The following CNTN3 variants were observed in gnomAD, a reference collection of about 807,000 sequenced individuals.
CNTN3 encodes contactin-3.
A neutral mutation model predicts 119.1 loss-of-function variants in CNTN3; 60 were observed. The ratio of observed to expected loss-of-function variants is 0.50; its 90% confidence interval spans 0.41 to 0.62. The LOEUF (loss-of-function observed/expected upper bound fraction) is 0.62, where lower values mean the gene tolerates loss of function less well. Among genes scored for constraint, CNTN3 ranks in the 20% least tolerant of loss-of-function variants. The pLI is 0.00. For synonymous variants in CNTN3, 450 were observed against 438.7 expected, an observed-to-expected ratio of 1.03 and a Z score of -0.32; for missense variants, 1,101 against 1,242.4, an observed-to-expected ratio of 0.89 and a Z score of 1.71.
chr3:74,587,990 A>C (rs1258145524), intron 1 of CNTN3, among the ~76,000 whole-genome samples: 1 of 152,088 alleles, frequency 6.6e-6, no homozygotes, highest in African/African-American at 2.4e-5. Context: ...ATTTATTGAG[A>C]GTTTTTAGCA....
At chr3:74,311,213 C>T (rs1559696227) in intron 13 of CNTN3, among the ~76,000 whole-genome samples, 1 of 152,278 alleles carries the variant, frequency 6.6e-6, no homozygotes, top group East Asian at 1.9e-4. Flanking sequence ...AAAGAGATCA[C>T]ACTATTTTTA....
At chr3:74,568,393 C>T (rs1361339100) in intron 1 of CNTN3, among the ~76,000 whole-genome samples, 2 of 152,194 alleles carry the variant, frequency 1.3e-5, no homozygotes, top group East Asian at 3.9e-4. Flanking sequence ...TATTGCCCTG[C>T]TCCATAGGAT....
At chr3:74,481,630 C>T (rs1293119062) in intron 4 of CNTN3, among the ~76,000 whole-genome samples, 1 of 151,600 alleles carries the variant, frequency 6.6e-6, no homozygotes, top group Non-Finnish European at 1.5e-5. Flanking sequence ...TAAAACCATA[C>T]AAATTTATAT....
At chr3:74,342,397 T>C (rs1274606937) in intron 11 of CNTN3, among the ~76,000 whole-genome samples, 3 of 152,184 alleles carry the variant, frequency 2.0e-5, no homozygotes, top group Non-Finnish European at 4.4e-5. Flanking sequence ...GTTAGTATAG[T>C]GATTTATTGG....
chr3:74,566,202 G>T (rs1704223646), intron 1 of CNTN3, among the ~76,000 whole-genome samples: 1 of 152,122 alleles, frequency 6.6e-6, no homozygotes, highest in African/African-American at 2.4e-5. Context: ...GAGTTTAATA[G>T]AGGGACTATT....
intron 1 of CNTN3, among the ~76,000 whole-genome samples, chr3:74,524,337 TC>T (rs1703585093): frequency 6.6e-6 from 1 of 151,818 alleles, no homozygotes; most frequent in South Asian, 2.1e-4. Context: ...AGACTGATAA[TC>T]CCCGTACTCA....
At chr3:74,310,099 T>A (rs1458967395) in intron 13 of CNTN3, among the ~76,000 whole-genome samples, 2 of 152,200 alleles carry the variant, frequency 1.3e-5, no homozygotes, top group East Asian at 3.8e-4. Context: ...TTACTTTGAG[T>A]AAAGTTTAAC....
intron 4 of CNTN3, among the ~76,000 whole-genome samples, chr3:74,450,503 T>G (rs57409446): frequency 0.036 from 640 of 17,670 alleles, 3 homozygotes; most frequent in African/African-American, 0.078. Flanking sequence ...TGAAGCCCTG[T>G]TTTTTTTTTT....
intron 1 of CNTN3, among the ~76,000 whole-genome samples, chr3:74,601,283 C>A (rs953759959): frequency 2.0e-5 from 3 of 151,754 alleles, no homozygotes. Flanking sequence ...GTTAATTTGC[C>A]CAAGGTAAGA....
chr3:74,533,596 C>A (rs1234450595), intron 1 of CNTN3, among the ~76,000 whole-genome samples: 2 of 151,962 alleles, frequency 1.3e-5, no homozygotes, highest in African/African-American at 4.8e-5. Context: ...AAAACATTAA[C>A]CAACATTCCC....
chr3:74,344,396 GGTTTTTTTTTTTTTTTTTT>G (rs1703629564), intron 11 of CNTN3, among the ~76,000 whole-genome samples: 2 of 87,812 alleles, frequency 2.3e-5, no homozygotes, highest in African/African-American at 8.1e-5. Flanking sequence ...CTTACACAGT[GGTTTTTTTTTTTTTTTTTT>G]TTTTTTTTTT....
At chr3:74,597,738 A>G (rs1704836699) in intron 1 of CNTN3, among the ~76,000 whole-genome samples, 2 of 152,044 alleles carry the variant, frequency 1.3e-5, no homozygotes, top group Admixed American at 1.3e-4. Context: ...GATACTTCTA[A>G]TTTACTCATC....
At chr3:74,585,505 T>A (rs181140719) in intron 1 of CNTN3, among the ~76,000 whole-genome samples, 2 of 152,266 alleles carry the variant, frequency 1.3e-5, no homozygotes, top group East Asian at 3.9e-4. Context: ...AGAAGTAAAG[T>A]ATTACAAGTA....
chr3:74,314,156 T>G (rs975272387), intron 13 of CNTN3, among the ~76,000 whole-genome samples: 1 of 152,048 alleles, frequency 6.6e-6, no homozygotes, highest in Non-Finnish European at 1.5e-5. Flanking sequence ...TATTTAGACA[T>G]AGCAACATGC....
chr3:74,564,864 T>C (rs1249860819), intron 1 of CNTN3, among the ~76,000 whole-genome samples: 4 of 152,030 alleles, frequency 2.6e-5, no homozygotes, highest in Non-Finnish European at 4.4e-5. Context: ...ACTCCAAAGA[T>C]ACCGACATCG....
intron 4 of CNTN3, among the ~76,000 whole-genome samples, chr3:74,483,301 T>G (rs1159376216): frequency 3.3e-5 from 5 of 152,066 alleles, no homozygotes; most frequent in African/African-American, 1.2e-4. Flanking sequence ...GAAAATAGTA[T>G]GTACTTCACT....
At chr3:74,485,341 T>C (rs1702833186) in intron 4 of CNTN3, among the ~76,000 whole-genome samples, 1 of 152,066 alleles carries the variant, frequency 6.6e-6, no homozygotes, top group African/African-American at 2.4e-5. Context: ...GGTAACTAGT[T>C]GTATAATATA....
At chr3:74,381,390 C>CA (rs886376906) in intron 5 of CNTN3, among the ~76,000 whole-genome samples, 4 of 151,768 alleles carry the variant, frequency 2.6e-5, no homozygotes, top group Non-Finnish European at 5.9e-5. Flanking sequence ...ATAAACATGA[C>CA]AAAAAAATGC....
At chr3:74,470,150 T>A (rs1702533772) in intron 4 of CNTN3, among the ~76,000 whole-genome samples, 1 of 151,996 alleles carries the variant, frequency 6.6e-6, no homozygotes, top group South Asian at 2.1e-4. Flanking sequence ...ATACAGAAAG[T>A]AGATTCCTGC....
Sources: gnomAD v4.1 joint callset for allele counts (sites outside exome capture counted in the v4.1 genomes callset) on GRCh38, gnomAD v4.1.1 for gene constraint, MANE v1.5 for transcripts, NCBI Gene and HGNC (gene_info 2026-07-23, HGNC 2026-07-21) for gene names.